ARSB: variants seen among roughly 807,000 people sequenced by gnomAD.
ARSB encodes the protein N-acetylgalactosamine-4-sulfatase.
Under a neutral mutation model 50.9 loss-of-function variants are expected in ARSB, and 41 were observed. That is an observed-to-expected ratio of 0.81 (90% CI 0.63 to 1.04). The LOEUF (loss-of-function observed/expected upper bound fraction) is 1.04. ARSB is among the 50% of genes least tolerant of loss of function. The probability of loss-of-function intolerance (pLI) is 0.00; values close to 1 mark genes in which losing one functional copy is unlikely to be tolerated. For missense variants in ARSB, 672 were observed against 693.3 expected, an observed-to-expected ratio of 0.97 and a Z score of 0.35; for synonymous variants, 269 against 284.8, an observed-to-expected ratio of 0.94 and a Z score of 0.56.
chr5:78,962,945 T>A (rs1752055216), intron 3 of ARSB, among the ~76,000 whole-genome samples: 1 of 152,084 alleles, frequency 6.6e-6, no homozygotes, highest in Non-Finnish European at 1.5e-5. Context: ...ACATACCAAG[T>A]CCAAACAGGT....
At chr5:78,911,355 T>C (rs940507849) in intron 4 of ARSB, among the ~76,000 whole-genome samples, 14 of 151,806 alleles carry the variant, frequency 9.2e-5, no homozygotes, top group Admixed American at 3.3e-4. Flanking sequence ...AGATGGATCA[T>C]CTGAGGTCAG....
chr5:78,892,125 C>T (rs1458841380), intron 4 of ARSB, among the ~76,000 whole-genome samples: 1 of 152,078 alleles, frequency 6.6e-6, no homozygotes, highest in Non-Finnish European at 1.5e-5. Flanking sequence ...AGAATAGGCT[C>T]CTATCTGGAT....
chr5:78,889,937 G>A (rs1459956639), intron 4 of ARSB, among the ~76,000 whole-genome samples: 1 of 152,134 alleles, frequency 6.6e-6, no homozygotes, highest in Non-Finnish European at 1.5e-5. Flanking sequence ...GGAAAAGCAA[G>A]GAAGGCTCTA....
chr5:78,828,103 T>C (rs1744512102), intron 6 of ARSB, among the ~76,000 whole-genome samples: 1 of 152,142 alleles, frequency 6.6e-6, no homozygotes, highest in African/African-American at 2.4e-5. Context: ...CTGCAATCGA[T>C]ATCATACTGA....
chr5:78,903,366 A>C (rs1198733543), intron 4 of ARSB, among the ~76,000 whole-genome samples: 1 of 152,216 alleles, frequency 6.6e-6, no homozygotes, highest in African/African-American at 2.4e-5. Context: ...TTCAGAACAC[A>C]AGCAGGGATA....
intron 3 of ARSB, among the ~76,000 whole-genome samples, chr5:78,963,763 G>A (rs1233915635): frequency 6.6e-6 from 1 of 152,118 alleles, no homozygotes; most frequent in Non-Finnish European, 1.5e-5. Context: ...ACCCAATATT[G>A]TTAAGACATC....
At chr5:78,841,176 A>AATAATAATAATAATG (rs1227408027) in intron 5 of ARSB, among the ~76,000 whole-genome samples, 2 of 149,900 alleles carry the variant, frequency 1.3e-5, no homozygotes, top group African/African-American at 5.0e-5. Context: ...TACTAATAAT[A>AATAATAATAATAATG]ATAATAATTT....
chr5:78,947,079 C>T (rs1273228437), intron 4 of ARSB, among the ~76,000 whole-genome samples: 1 of 151,470 alleles, frequency 6.6e-6, no homozygotes, highest in African/African-American at 2.4e-5. Flanking sequence ...TATCCATATG[C>T]AGAAGAATGA....
intron 5 of ARSB, among the ~76,000 whole-genome samples, chr5:78,853,833 G>A (rs376458062): frequency 3.0e-4 from 46 of 152,358 alleles, no homozygotes; most frequent in East Asian, 1.4e-3. Context: ...AGCAATCAGC[G>A]AAACTCTGTG....
intron 4 of ARSB, among the ~76,000 whole-genome samples, chr5:78,943,260 G>A (rs1164108354): frequency 6.6e-6 from 1 of 152,066 alleles, no homozygotes; most frequent in African/African-American, 2.4e-5. Context: ...TCTTTTAATT[G>A]GAGCATTTAG....
rs185882456 is a variant in ARSB at position 78,833,273 on chromosome 5, A to G, written c.1213+6083T>C. The stretch of plus-strand genomic sequence containing the variant: ...CAGGCTTTCCCACTAATCAGCTTCA[A>G]TGGTGCTATTCCCCAGGCTCTCTCA... On this transcript the variant is annotated intron_variant, in intron 6 of 7. Transcript: ENST00000264914. Among the ~76,000 whole-genome samples, 760 of 152,260 alleles carry G rather than the reference A, an allele frequency of 5.0e-3. 1 individual carries two copies. Among genetic ancestry groups the G allele is most frequent in the Non-Finnish European group, 7.6e-3 (517 of 68,016 alleles).
intron 4 of ARSB, among the ~76,000 whole-genome samples, chr5:78,909,058 C>T (rs187599609): frequency 7.9e-5 from 12 of 152,282 alleles, no homozygotes; most frequent in East Asian, 3.9e-4. Flanking sequence ...GGTATAGTCT[C>T]GAAAGGCAGT....
intron 5 of ARSB, among the ~76,000 whole-genome samples, chr5:78,865,716 A>G (rs113624473): frequency 0.12 from 18,850 of 152,148 alleles, 1,370 homozygotes; most frequent in Middle Eastern, 0.21. Context: ...CAGAACCCAA[A>G]TAACCTCTTG....
intron 5 of ARSB, among the ~76,000 whole-genome samples, chr5:78,864,369 C>T (rs560047263): frequency 6.6e-6 from 1 of 152,270 alleles, no homozygotes; most frequent in Admixed American, 6.5e-5. Flanking sequence ...GAGGAAGATG[C>T]AAAAGGAGAA....
intron 6 of ARSB, among the ~76,000 whole-genome samples, chr5:78,791,593 A>T (rs1449746596): frequency 6.6e-6 from 1 of 152,220 alleles, no homozygotes; most frequent in Non-Finnish European, 1.5e-5. Context: ...CATGTGGCTC[A>T]AATCTCCAGT....
At chr5:78,819,477 G>A (rs905086860) in intron 6 of ARSB, among the ~76,000 whole-genome samples, 1 of 152,208 alleles carries the variant, frequency 6.6e-6, no homozygotes, top group African/African-American at 2.4e-5. Flanking sequence ...AAGGTGTCAT[G>A]AAGATAAAAT....
At chr5:78,889,128 A>G (rs1242275596) in intron 4 of ARSB, among the ~76,000 whole-genome samples, 8 of 152,224 alleles carry the variant, frequency 5.3e-5, no homozygotes, top group African/African-American at 1.9e-4. Context: ...TATATGAGAA[A>G]TAGGGTGCGG....
At chr5:78,946,221 C>T (rs1226166012) in intron 4 of ARSB, among the ~76,000 whole-genome samples, 2 of 151,986 alleles carry the variant, frequency 1.3e-5, no homozygotes, top group Non-Finnish European at 2.9e-5. Context: ...ATTTAAAAAA[C>T]CTGGAATTAA....
rs1032035805 is a variant in ARSB, at chr5:78,779,722, T to C, written c.*675A>G. The C allele has an allele frequency of 6.5e-6, 1 of 152,730 alleles. No individual in the cohort carries two copies. The highest frequency in any genetic ancestry group is 1.5e-5 in the Non-Finnish European group (1 of 68,568). The allele number at this position is 152,730 out of a possible 1,614,324, so 9.5% of individuals were successfully genotyped here. A position where few individuals can be genotyped will look rare whatever the true frequency, so the allele number is the denominator to read the frequency against. On this transcript the variant is annotated 3_prime_UTR_variant, in exon 8 of 8. Coordinates refer to ENST00000264914, the MANE Select transcript of ARSB (RefSeq NM_000046.5). ...AAAGGCAGGAAAAGCCACAGAAGAA[T>C]TGGAAGTGGCAGGAAGTCTAGACAG...
Sources: gnomAD v4.1 joint callset for allele counts (sites outside exome capture counted in the v4.1 genomes callset) on GRCh38, gnomAD v4.1.1 for gene constraint, MANE v1.5 for transcripts, NCBI Gene and HGNC (gene_info 2026-07-23, HGNC 2026-07-21) for gene names.